DNER: variants seen among roughly 807,000 people sequenced by gnomAD.
The protein encoded by DNER is delta and Notch-like epidermal growth factor-related receptor.
DNER carries 33 observed loss-of-function variants against 78.2 expected under a neutral mutation model. That is an observed-to-expected ratio of 0.42 (90% confidence interval 0.32 to 0.56). The LOEUF (loss-of-function observed/expected upper bound fraction) is 0.56, where lower values mean the gene tolerates loss of function less well. Among genes scored for constraint, DNER ranks in the 20% least tolerant of loss-of-function variants. The probability of loss-of-function intolerance (pLI) is 0.11; values close to 1 mark genes in which losing one functional copy is unlikely to be tolerated. For missense variants in DNER, 918 were observed against 975.3 expected (o/e 0.94, Z 0.78); for synonymous variants, 417 against 384.8 (o/e 1.08, Z -0.98).
chr2:229,685,479 C>A (rs553306276), intron 1 of DNER, among the ~76,000 whole-genome samples: 2 of 138,346 alleles, frequency 1.4e-5, no homozygotes, highest in South Asian at 4.9e-4. Context: ...ATGGAAAATG[C>A]ATTTAAATTA....
intron 1 of DNER, among the ~76,000 whole-genome samples, chr2:229,680,518 A>C: frequency 6.6e-6 from 1 of 152,358 alleles, no homozygotes; most frequent in South Asian, 2.1e-4. Flanking sequence ...CTTGAAGTGC[A>C]GGTATCACAC....
intron 8 of DNER, among the ~76,000 whole-genome samples, chr2:229,426,753 A>G (rs1204611236): frequency 6.6e-6 from 1 of 152,208 alleles, no homozygotes; most frequent in Non-Finnish European, 1.5e-5. Context: ...CTGGGCTCAC[A>G]TTAATCCTAT....
At chr2:229,553,437 C>T (rs1048555529) in intron 4 of DNER, among the ~76,000 whole-genome samples, 1 of 152,120 alleles carries the variant, frequency 6.6e-6, no homozygotes, top group Admixed American at 6.6e-5. Flanking sequence ...GGAAGCCCTG[C>T]GAAGATGTCA....
intron 8 of DNER, among the ~76,000 whole-genome samples, chr2:229,438,321 A>G (rs1269794222): frequency 1.3e-5 from 2 of 152,222 alleles, no homozygotes; most frequent in Admixed American, 1.3e-4. Context: ...CTCAGGAGCT[A>G]TGCTGAGACA....
In DNER at chr2:229,628,789, G is replaced by A. The variant is rs181292780; in HGVS notation, c.277-36901C>T. On this transcript the variant is annotated intron_variant, in intron 1 of 12. Transcript: ENST00000341772. ...CGTAATCTTACCCTCTGCAGCCAGA[G>A]GGAACCTAGTTCTAACATCAAGAGT... Among the ~76,000 whole-genome samples the A allele has an allele frequency of 2.5e-3, 386 of 152,252 alleles. 2 individuals carry two copies. The highest frequency in any genetic ancestry group is 8.8e-3 in the African/African-American group (365 of 41,546).
At chr2:229,392,425 G>A (rs1693035717) in intron 10 of DNER, among the ~76,000 whole-genome samples, 1 of 152,124 alleles carries the variant, frequency 6.6e-6, no homozygotes, top group African/African-American at 2.4e-5. Context: ...CTGGCTTGAG[G>A]AGACAAAGAT....
At chr2:229,664,235 C>A (rs1699054378) in intron 1 of DNER, among the ~76,000 whole-genome samples, 2 of 152,128 alleles carry the variant, frequency 1.3e-5, no homozygotes, top group Admixed American at 1.3e-4. Flanking sequence ...TGTAAGTAAG[C>A]AATTTGCCCA....
intron 12 of DNER, among the ~76,000 whole-genome samples, chr2:229,364,652 G>C (rs911053808): frequency 1.3e-5 from 2 of 152,036 alleles, no homozygotes; most frequent in Non-Finnish European, 2.9e-5. Context: ...GGTCTCCCAA[G>C]TTCTCCCTCC....
intron 7 of DNER, among the ~76,000 whole-genome samples, chr2:229,466,251 T>G (rs1400803096): frequency 6.6e-6 from 1 of 152,144 alleles, no homozygotes; most frequent in Non-Finnish European, 1.5e-5. Context: ...CTCTCTAGCC[T>G]TCTGTCTTCC....
intron 11 of DNER, among the ~76,000 whole-genome samples, chr2:229,387,503 GAAAGAGAGAAAGAA>G (rs1692899701): frequency 6.7e-5 from 7 of 104,890 alleles, no homozygotes; most frequent in East Asian, 2.8e-4. Context: ...AAGAAAGAAA[GAAAGAGAGAAAGAA>G]AGAAAGAAAG....
intron 1 of DNER, among the ~76,000 whole-genome samples, chr2:229,593,456 TG>T (rs1316415569): frequency 2.0e-5 from 3 of 152,204 alleles, no homozygotes; most frequent in Non-Finnish European, 4.4e-5. Context: ...CTTCCCTCAC[TG>T]TGAAATCTAA....
intron 6 of DNER, among the ~76,000 whole-genome samples, chr2:229,500,027 A>T (rs1695584981): frequency 6.6e-6 from 1 of 151,170 alleles, no homozygotes; most frequent in Non-Finnish European, 1.5e-5. Context: ...TCCACCTCCC[A>T]GGTTCAAGCG....
chr2:229,668,435 TA>T, intron 1 of DNER, among the ~76,000 whole-genome samples: 1 of 106,632 alleles, frequency 9.4e-6, no homozygotes, highest in African/African-American at 3.2e-5. Flanking sequence ...TATATATATA[TA>T]TATATACACT....
chr2:229,673,117 A>G (rs1362952733), intron 1 of DNER, among the ~76,000 whole-genome samples: 1 of 152,194 alleles, frequency 6.6e-6, no homozygotes, highest in Non-Finnish European at 1.5e-5. Context: ...GCTTTGTGCT[A>G]CCTTAAGTCT....
At chr2:229,512,723 C>G in intron 6 of DNER, 60 bp downstream of exon 6, 1 of 1,567,556 alleles carries the variant, frequency 6.4e-7, no homozygotes, top group Non-Finnish European at 8.7e-7. Flanking sequence ...AAATAAAAAA[C>G]AAGAGGTGCA....
chr2:229,406,926 CT>C (rs1397999519), intron 10 of DNER, among the ~76,000 whole-genome samples: 1 of 152,166 alleles, frequency 6.6e-6, no homozygotes, highest in East Asian at 1.9e-4. Context: ...AACCCATCAC[CT>C]TTCTCAAGTG....
chr2:229,659,969 TTTA>T (rs1384341075), intron 1 of DNER, among the ~76,000 whole-genome samples: 2 of 152,158 alleles, frequency 1.3e-5, no homozygotes, highest in Non-Finnish European at 2.9e-5. Flanking sequence ...TCTTACTGTA[TTTA>T]TTATACCTGT....
intron 1 of DNER, among the ~76,000 whole-genome samples, chr2:229,592,664 A>C (rs1697629023): frequency 1.3e-5 from 2 of 151,982 alleles, no homozygotes; most frequent in African/African-American, 4.8e-5. Flanking sequence ...CTGAATGGCC[A>C]TGTGTTGGTA....
intron 10 of DNER, among the ~76,000 whole-genome samples, 191 bp from the exon 11 acceptor site, chr2:229,388,587 A>C (rs1692949532): frequency 8.8e-6 from 1 of 114,226 alleles, no homozygotes; most frequent in Non-Finnish European, 1.8e-5. Context: ...TAAAACTAAA[A>C]AGGAAATATA....
Sources: gnomAD v4.1 joint callset for allele counts (sites outside exome capture counted in the v4.1 genomes callset) on GRCh38, gnomAD v4.1.1 for gene constraint, MANE v1.5 for transcripts, NCBI Gene and HGNC (gene_info 2026-07-23, HGNC 2026-07-21) for gene names.